The following CAMLG variants were observed in gnomAD, a reference collection of about 807,000 sequenced individuals.
CAMLG encodes the protein calcium modulating ligand.
In CAMLG, 23 loss-of-function variants were observed where a neutral mutation model predicts 28.9. The ratio of observed to expected loss-of-function variants is 0.80; its 90% confidence interval spans 0.57 to 1.13. The LOEUF (loss-of-function observed/expected upper bound fraction) is 1.13, where lower values mean the gene tolerates loss of function less well. Among genes scored for constraint, CAMLG ranks in the 50% most tolerant of loss-of-function variants. The pLI is 0.00. For synonymous variants in CAMLG, 141 were observed against 146.5 expected (o/e 0.96, Z 0.27); for missense variants, 367 against 371.9 (o/e 0.99, Z 0.11).
At chr5:134,749,674 T>G (rs1269676043) in intron 3 of CAMLG, among the ~76,000 whole-genome samples, 1 of 152,206 alleles carries the variant, frequency 6.6e-6, no homozygotes, top group Non-Finnish European at 1.5e-5. Context: ...TCAAAAAACT[T>G]TCACTTCTGC....
At chr5:134,748,621 C>T (rs541013084) in intron 3 of CAMLG, among the ~76,000 whole-genome samples, 1 of 152,250 alleles carries the variant, frequency 6.6e-6, no homozygotes, top group Admixed American at 6.5e-5. Flanking sequence ...TTAATTGTAC[C>T]ATTTAATACG....
Position 134,750,835 on chromosome 5 carries a change from G to A in CAMLG, c.776G>A (p.Arg259Gln), listed in dbSNP as rs375028714. The change falls in exon 4 of 4, where the codon CGA (arginine) becomes CAA (glutamine). Residue 259 changes from arginine (R) to glutamine (Q), a missense_variant. By Grantham distance (43) the Arg-to-Gln change is conservative. Coordinates refer to ENST00000297156, the MANE Select transcript of CAMLG (RefSeq NM_001745.4). ...GGAATTCCTGCCGAAGTGATAAATC[G>A]ATCAATGGATACCTATAGCAAAATG... ...LSGIPAEVIN[R>Q]SMDTYSKMGE... The A allele has an allele frequency of 1.9e-6, 3 of 1,613,706 alleles. No homozygotes were observed. In the South Asian group the frequency reaches 3.3e-5, roughly 18 times the overall value.
intron 3 of CAMLG, among the ~76,000 whole-genome samples, chr5:134,747,451 C>T (rs553588889): frequency 1.1e-4 from 16 of 151,978 alleles, no homozygotes; most frequent in African/African-American, 3.9e-4. Context: ...TCACACCATT[C>T]TCCTACCTCA....
At position 134,738,841 on chromosome 5, in the gene CAMLG, T is replaced by C. The variant is rs768920216; in HGVS notation, c.172+49T>C. 11 of 1,578,122 alleles carry C rather than the reference T, an allele frequency of 7.0e-6. No individual in the cohort carries two copies. In the South Asian group the frequency reaches 1.2e-4, roughly 18 times the overall value. Reference sequence around the variant, plus strand: ...GTCTCCCGCCCATCACCTTGAATCTTCAGGGTCATTCTTCCCTCTCCCACC... The same window carrying C: ...GTCTCCCGCCCATCACCTTGAATCTCCAGGGTCATTCTTCCCTCTCCCACC... On this transcript the variant is annotated intron_variant, in intron 1 of 3. Transcript: ENST00000297156.
At chr5:134,750,224 T>C (rs1731236153) in intron 3 of CAMLG, among the ~76,000 whole-genome samples, 1 of 152,132 alleles carries the variant, frequency 6.6e-6, no homozygotes, top group East Asian at 1.9e-4. Context: ...ACTTCCAAGA[T>C]AACACTTTTT....
chr5:134,741,574 G>A (rs767891947), intron 2 of CAMLG, 51 bp downstream of exon 2: 2 of 1,184,464 alleles, frequency 1.7e-6, no homozygotes, highest in Non-Finnish European at 2.4e-6. Flanking sequence ...AATGCAAAAT[G>A]TTAATAATTA....
chr5:134,738,996 G>C (rs1471733275), intron 1 of CAMLG, among the ~76,000 whole-genome samples: 1 of 152,030 alleles, frequency 6.6e-6, no homozygotes, highest in South Asian at 2.1e-4. Context: ...AATTTTCCCG[G>C]GGCCTCGCCG....
Position 134,751,116 on chromosome 5 carries a change from A to C in CAMLG, c.*166A>C, listed in dbSNP as rs1168945864. 1 of 543,976 alleles carries C rather than the reference A, an allele frequency of 1.8e-6. No individual in the cohort carries two copies. Among genetic ancestry groups the C allele is most frequent in the African/African-American group, 1.9e-5 (1 of 53,328 alleles). The allele number at this position is 543,976 out of a possible 1,614,324, so 33.7% of individuals were successfully genotyped here. The stretch of plus-strand genomic sequence containing the variant: ...ATAGAATGGCAGATTCTCTGATTTA[A>C]AAGGGCTGAGTTTGTATTATTACTG... On this transcript the variant is annotated 3_prime_UTR_variant, in exon 4 of 4. Coordinates refer to ENST00000297156, the MANE Select transcript of CAMLG (RefSeq NM_001745.4).
intron 3 of CAMLG, among the ~76,000 whole-genome samples, chr5:134,750,422 C>T (rs567130273): frequency 7.2e-5 from 11 of 151,948 alleles, no homozygotes; most frequent in East Asian, 1.9e-4. Flanking sequence ...CCTGTAATCC[C>T]GGCTACTCAG....
At chr5:134,742,457 A>C (rs758217545) in intron 2 of CAMLG, among the ~76,000 whole-genome samples, 11 of 152,222 alleles carry the variant, frequency 7.2e-5, no homozygotes, top group Non-Finnish European at 1.0e-4. Flanking sequence ...ATTTTCAAAT[A>C]ATTTGAAATA....
In CAMLG at chr5:134,741,758, A is replaced by G. The variant is rs117926469; in HGVS notation, c.633+235A>G. Among the ~76,000 whole-genome samples the G allele has an allele frequency of 5.5e-3, 841 of 152,288 alleles. 4 individuals carry two copies. Among genetic ancestry groups the G allele is most frequent in the Middle Eastern group, 0.041 (12 of 294 alleles). ...TCCATATCAGTTGGTTCTGCACCCT[A>G]TGTGGATTCAACCAATTGTGGATTG... On this transcript the variant is annotated intron_variant, in intron 2 of 3. Coordinates refer to ENST00000297156, the MANE Select transcript of CAMLG (RefSeq NM_001745.4).
At chr5:134,748,452 C>G (rs897541960) in intron 3 of CAMLG, among the ~76,000 whole-genome samples, 2 of 152,058 alleles carry the variant, frequency 1.3e-5, no homozygotes, top group Non-Finnish European at 1.5e-5. Flanking sequence ...GTGGGAGAAT[C>G]GCTTGAACCC....
At chr5:134,740,445 A>ATTT (rs1386704928) in intron 1 of CAMLG, among the ~76,000 whole-genome samples, 1 of 152,172 alleles carries the variant, frequency 6.6e-6, no homozygotes, top group Non-Finnish European at 1.5e-5. Context: ...ATCCATAAAA[A>ATTT]GTTGGTCTTT....
rs755800357 is a variant in CAMLG, at chr5:134,738,679, C to T, written c.59C>T (p.Ser20Leu). ...GAGAGGCCGGGGGTCCCAGCGGGCT[C>T]AGGTCTGTCGGCTTCCCAGCGTCGG... ...GGERPGVPAG[S>L]GLSASQRRAE... The change falls in exon 1 of 4, where the codon TCA (serine) becomes TTA (leucine). Residue 20 changes from serine to leucine, a missense_variant. By Grantham distance (145) the Ser-to-Leu change is moderately radical (BLOSUM62 -2). Coordinates refer to ENST00000297156, the MANE Select transcript of CAMLG (RefSeq NM_001745.4). The T allele has an allele frequency of 6.2e-6, 10 of 1,613,858 alleles. No individual in the cohort carries two copies. Among genetic ancestry groups the T allele is most frequent in the Middle Eastern group, 3.3e-4 (2 of 6,052 alleles).
chr5:134,744,394 C>T (rs1372258845), intron 3 of CAMLG, among the ~76,000 whole-genome samples: 4 of 151,982 alleles, frequency 2.6e-5, no homozygotes, highest in Non-Finnish European at 5.9e-5. Flanking sequence ...TATGGTGACG[C>T]ACACCTGTAA....
At position 134,746,521 on chromosome 5, in the gene CAMLG, G is replaced by C. The variant is rs532036143; in HGVS notation, c.699+2469G>C. Among the ~76,000 whole-genome samples the C allele has an allele frequency of 5.3e-5, 8 of 151,982 alleles. No individual in the cohort carries two copies. The East Asian group carries it at 1.6e-3, about 30-fold the overall frequency. ...TTTTGAGACAGAGTATCACTCTGTC[G>C]CCCAGGCTGAAGTGCAGTGGCACGA... On this transcript the variant is annotated intron_variant, in intron 3 of 3. Transcript: ENST00000297156.
At chr5:134,741,608 C>A in intron 2 of CAMLG, 85 bp downstream of exon 2, 3 of 832,164 alleles carry the variant, frequency 3.6e-6, no homozygotes, top group South Asian at 1.6e-5. Context: ...TCATAGAAGT[C>A]ATTGCCAGTA....
At chr5:134,743,420 G>T (rs1475848475) in intron 2 of CAMLG, among the ~76,000 whole-genome samples, 2 of 152,010 alleles carry the variant, frequency 1.3e-5, no homozygotes, top group African/African-American at 4.8e-5. Context: ...TCACCCTTCT[G>T]CAGAAAAAAG....
chr5:134,743,069 A>G (rs1753003208), intron 2 of CAMLG, among the ~76,000 whole-genome samples: 1 of 152,114 alleles, frequency 6.6e-6, no homozygotes, highest in South Asian at 2.1e-4. Context: ...TTGTTGTTTT[A>G]GAGATAGGAT....
Sources: gnomAD v4.1 joint callset for allele counts (sites outside exome capture counted in the v4.1 genomes callset) on GRCh38, gnomAD v4.1.1 for gene constraint, MANE v1.5 for transcripts, NCBI Gene and HGNC (gene_info 2026-07-23, HGNC 2026-07-21) for gene names.